Variants in MED26 observed in about 807,000 individuals in gnomAD.
MED26 encodes the protein mediator of RNA polymerase II transcription subunit 26.
MED26 carries 7 observed loss-of-function variants against 43.7 expected under a neutral mutation model. That is an observed-to-expected ratio of 0.16 (90% CI 0.09 to 0.30). The LOEUF is 0.30. MED26 is among the 10% of genes least tolerant of loss of function. The pLI, the probability that MED26 is intolerant of heterozygous loss-of-function variation, is 1.00. For synonymous variants in MED26, 375 were observed against 371.1 expected, an observed-to-expected ratio of 1.01 and a Z score of -0.12; for missense variants, 784 against 840.6, an observed-to-expected ratio of 0.93 and a Z score of 0.83.
chr19:16,605,420 G>GA (rs1187642088), intron 1 of MED26, among the ~76,000 whole-genome samples: 1 of 152,214 alleles, frequency 6.6e-6, no homozygotes, highest in Non-Finnish European at 1.5e-5. Context: ...ACTGAGATGA[G>GA]AACTGAAGGC....
intron 1 of MED26, chr19:16,597,433 T>C (rs927268969): frequency 1.3e-5 from 5 of 398,522 alleles, no homozygotes; most frequent in Non-Finnish European, 1.3e-5. Context: ...AACTTACCAC[T>C]GTTGTTTCAC....
At chr19:16,593,099 A>C (rs73516920) in intron 1 of MED26, among the ~76,000 whole-genome samples, 1 of 152,202 alleles carries the variant, frequency 6.6e-6, no homozygotes, top group African/African-American at 2.4e-5. Context: ...ACCAGCCCAC[A>C]GCCTGCAAGG....
Position 16,577,166 on chromosome 19 carries a change from G to A in MED26, c.664C>T (p.Pro222Ser), listed in dbSNP as rs545687015. Residue 222 changes from proline to serine, a missense_variant, in exon 3 of 3, where the codon CCC becomes TCC. By Grantham distance (74) the Pro-to-Ser change is moderately conservative. Transcript: ENST00000263390. The surrounding 1 kb of genome is among the most constrained non-coding windows in gnomAD (Gnocchi z 8.1). The stretch of plus-strand genomic sequence containing the variant: ...GTGTGCGGTCGCACGGCGTTGACGG[G>A]GATCTTGCCACTGTGCTTGTCATTC... Reference protein sequence around the residue: ...DENDKHSGKIPVNAVRPHTSS... With the variant: ...DENDKHSGKISVNAVRPHTSS... 4 of 1,613,352 alleles carry A rather than the reference G, an allele frequency of 2.5e-6. No homozygotes were observed. In the African/African-American group the frequency reaches 4.0e-5, roughly 16 times the overall value.
intron 1 of MED26, among the ~76,000 whole-genome samples, chr19:16,603,606 G>A (rs941721146): frequency 2.0e-5 from 3 of 152,134 alleles, no homozygotes; most frequent in African/African-American, 7.2e-5. Context: ...CCCCTGAGCC[G>A]CAGTCTCCCC....
At position 16,575,860 on chromosome 19, in the gene MED26, G is replaced by A; in HGVS notation, c.*167C>T. 1 of 613,374 alleles carries A rather than the reference G, an allele frequency of 1.6e-6. No individual in the cohort carries two copies. Among genetic ancestry groups the A allele is most frequent in the Non-Finnish European group, 2.8e-6 (1 of 351,322 alleles). 38.0% of individuals were successfully genotyped at this position (613,374 alleles called of 1,614,324 possible). A position where few individuals can be genotyped will look rare whatever the true frequency, so the allele number is the denominator to read the frequency against. On this transcript the variant is annotated 3_prime_UTR_variant, in exon 3 of 3. Transcript: ENST00000263390. Reference sequence around the variant, plus strand: ...GCATTTCACAAAAAGAGTTTTGAGGGAAGAGCGCAGAGAGACCGCGTGACT... The same window carrying A: ...GCATTTCACAAAAAGAGTTTTGAGGAAAGAGCGCAGAGAGACCGCGTGACT...
rs1403827280 is a variant in MED26, at chr19:16,577,671, A to C, written c.159T>G (p.Leu53=). ...TGCGGACGTCGTTGATGAGCTTCCC[A>C]AGTCGTGTTTCCTACAACCAGAGGG... ...ITKEALEETR[L]GKLINDVRKK... Residue 53 remains leucine (L), a synonymous_variant, in exon 3 of 3, where the codon CTT becomes CTG. Transcript: ENST00000263390. This position sits in a 1 kb window ranked among gnomAD's most constrained non-coding sequence, Gnocchi z 8.1. The C allele has an allele frequency of 1.3e-6, 2 of 1,572,444 alleles. No individual in the cohort carries two copies. Among genetic ancestry groups the C allele is most frequent in the Non-Finnish European group, 8.7e-7 (1 of 1,153,740 alleles).
At chr19:16,582,064 G>A (rs912901794) in intron 1 of MED26, among the ~76,000 whole-genome samples, 2 of 152,284 alleles carry the variant, frequency 1.3e-5, no homozygotes, top group African/African-American at 2.4e-5. Context: ...ATCCCAGCCC[G>A]GTGAGACTGG....
intron 1 of MED26, among the ~76,000 whole-genome samples, chr19:16,602,495 G>A (rs776789990): frequency 6.6e-5 from 10 of 152,182 alleles, no homozygotes; most frequent in Non-Finnish European, 1.0e-4. Context: ...TTCTGGGTAT[G>A]TACCCAAAAG....
chr19:16,579,008 C>T (rs375630688), intron 1 of MED26, among the ~76,000 whole-genome samples: 1 of 152,038 alleles, frequency 6.6e-6, no homozygotes, highest in Non-Finnish European at 1.5e-5. Flanking sequence ...GGCTGAGGCA[C>T]GAGAACCACT....
At chr19:16,622,957 T>C (rs947132185) in intron 1 of MED26, among the ~76,000 whole-genome samples, 1 of 152,100 alleles carries the variant, frequency 6.6e-6, no homozygotes, top group African/African-American at 2.4e-5. Flanking sequence ...TTGGCGCCCT[T>C]AAGCTACATG....
chr19:16,622,480 T>C (rs1429399872), intron 1 of MED26, among the ~76,000 whole-genome samples: 1 of 152,224 alleles, frequency 6.6e-6, no homozygotes, highest in South Asian at 2.1e-4. Context: ...ATACAGCATG[T>C]AGAATTATCG....
At chr19:16,627,118 C>T (rs948181777) in intron 1 of MED26, among the ~76,000 whole-genome samples, 8 of 152,064 alleles carry the variant, frequency 5.3e-5, no homozygotes, top group Non-Finnish European at 1.2e-4. Context: ...CTTGGGTAAA[C>T]GGGAGAGAAA....
intron 1 of MED26, among the ~76,000 whole-genome samples, chr19:16,599,740 G>A (rs2086139764): frequency 6.6e-6 from 1 of 151,978 alleles, no homozygotes; most frequent in African/African-American, 2.4e-5. Flanking sequence ...CTACCCTGCT[G>A]GCCTGGGGCT....
At chr19:16,603,653 G>A (rs1408440796) in intron 1 of MED26, among the ~76,000 whole-genome samples, 1 of 152,122 alleles carries the variant, frequency 6.6e-6, no homozygotes, top group African/African-American at 2.4e-5. Context: ...TGCCTATCTC[G>A]GTATGTGGGG....
At chr19:16,626,413 G>T (rs2086275092) in intron 1 of MED26, among the ~76,000 whole-genome samples, 1 of 152,088 alleles carries the variant, frequency 6.6e-6, no homozygotes, top group African/African-American at 2.4e-5. Flanking sequence ...GTTTTATATA[G>T]CTTGTGCCCA....
intron 1 of MED26, among the ~76,000 whole-genome samples, chr19:16,582,889 A>C (rs190313733): frequency 4.1e-4 from 62 of 152,312 alleles, no homozygotes; most frequent in Middle Eastern, 3.4e-3. Flanking sequence ...GGGTAAGGAC[A>C]CCGGGAGGAA....
intron 1 of MED26, among the ~76,000 whole-genome samples, chr19:16,598,585 CA>C (rs1207196407): frequency 1.3e-5 from 2 of 152,002 alleles, no homozygotes. Flanking sequence ...AGCAACACAG[CA>C]AAAAAATCCA....
At chr19:16,596,708 C>T (rs1324348589) in intron 1 of MED26, among the ~76,000 whole-genome samples, 1 of 152,186 alleles carries the variant, frequency 6.6e-6, no homozygotes, top group African/African-American at 2.4e-5. Context: ...TCTAGCCCCT[C>T]TTCCACGCCA....
Position 16,611,566 on chromosome 19 carries a change from T to C in MED26, c.72+16306A>G, listed in dbSNP as rs1000196851. The C allele has an allele frequency of 3.3e-5, 5 of 152,148 alleles. No homozygotes were observed. In the South Asian group the frequency reaches 8.3e-4, roughly 25 times the overall value. The allele number at this position is 152,148 out of a possible 1,614,324, so 9.4% of individuals were successfully genotyped here. A position where few individuals can be genotyped will look rare whatever the true frequency, so the allele number is the denominator to read the frequency against. ...GTTTAATTGAAAAGACAATGGAGCATAGGGGAAAACAAACCAACCCATTCC... is the reference window on the plus strand; with the variant it reads ...GTTTAATTGAAAAGACAATGGAGCACAGGGGAAAACAAACCAACCCATTCC... On this transcript the variant is annotated intron_variant, in intron 1 of 2. Coordinates refer to ENST00000263390, the MANE Select transcript of MED26 (RefSeq NM_004831.5).
Sources: allele counts gnomAD v4.1 joint callset (sites outside exome capture counted in the v4.1 genomes callset), GRCh38; gene constraint gnomAD v4.1.1; non-coding constraint Gnocchi (gnomAD v3.1); transcripts MANE v1.5; gene names NCBI Gene and HGNC (gene_info 2026-07-23, HGNC 2026-07-21).